The following RAB4B variants were observed in gnomAD, a reference collection of about 807,000 sequenced individuals.
RAB4B encodes RAB4B, member RAS oncogene family.
RAB4B carries 15 observed loss-of-function variants against 28.3 expected under a neutral mutation model. That is an observed-to-expected ratio of 0.53 (90% CI 0.35 to 0.82). RAB4B has a LOEUF of 0.82. Among genes scored for constraint, RAB4B ranks in the 40% least tolerant of loss-of-function variants. The pLI, the probability that RAB4B is intolerant of heterozygous loss-of-function variation, is 0.01. For synonymous variants in RAB4B, 108 were observed against 116.3 expected (o/e 0.93, Z 0.46); for missense variants, 244 against 288.5 (o/e 0.85, Z 1.12).
At chr19:40,783,589 A>AAG (rs1491136705) in intron 3 of RAB4B, among the ~76,000 whole-genome samples, 189 bp from the exon 4 acceptor site, 7 of 152,072 alleles carry the variant, frequency 4.6e-5, no homozygotes, top group Non-Finnish European at 1.0e-4. Flanking sequence ...GAGAGAGGCG[A>AAG]AGAGAGAGGG....
chr19:40,789,501 C>CTTTTTTTT (rs60806942), intron 7 of RAB4B, among the ~76,000 whole-genome samples: 1 of 116,574 alleles, frequency 8.6e-6, no homozygotes, highest in African/African-American at 3.8e-5. Context: ...CACGCCCAGC[C>CTTTTTTTT]TTTTTTTTTT....
intron 7 of RAB4B, among the ~76,000 whole-genome samples, chr19:40,789,260 T>C (rs1310274389): frequency 6.6e-6 from 1 of 151,916 alleles, no homozygotes; most frequent in Non-Finnish European, 1.5e-5. Flanking sequence ...TGGAGTGCAA[T>C]GGCGCGATCT....
intron 1 of RAB4B, chr19:40,779,783 G>A: frequency 9.3e-7 from 1 of 1,074,142 alleles, no homozygotes. Flanking sequence ...CCCTGCACAT[G>A]TACTCCCTGA....
intron 3 of RAB4B, among the ~76,000 whole-genome samples, chr19:40,783,147 CAAA>C (rs1168587843): frequency 0.013 from 447 of 35,592 alleles, no homozygotes; most frequent in African/African-American, 0.033. Flanking sequence ...GATTCCTACT[CAAA>C]AAAAAAAAAA....
In RAB4B at chr19:40,786,512, C is replaced by T. The variant is rs563571677; in HGVS notation, c.431-153C>T. On this transcript the variant is annotated intron_variant, in intron 5 of 7. Transcript: ENST00000357052. ...CTGGGTGGGCATATCGGGAAGCGGA[C>T]ATTAGTGGCAGGGAAATGGCATGCG... 249 of 1,153,196 alleles carry T rather than the reference C, an allele frequency of 2.2e-4. 1 individual carries two copies. The South Asian group carries it at 2.4e-3, about 11-fold the overall frequency. 71.4% of individuals were successfully genotyped at this position (1,153,196 alleles called of 1,614,324 possible).
intron 5 of RAB4B, chr19:40,785,935 G>C (rs1161762405): frequency 6.3e-6 from 1 of 157,874 alleles, no homozygotes; most frequent in Non-Finnish European, 1.4e-5. Context: ...CAGAGGGTCA[G>C]GGCCAGTACT....
intron 7 of RAB4B, among the ~76,000 whole-genome samples, chr19:40,790,090 T>C (rs1246614381): frequency 6.6e-6 from 1 of 152,146 alleles, no homozygotes; most frequent in Non-Finnish European, 1.5e-5. Context: ...GCCTCTGGCT[T>C]ATACCCTGTG....
At chr19:40,780,324 G>A in intron 2 of RAB4B, 61 bp from the exon 3 acceptor site, 1 of 1,490,342 alleles carries the variant, frequency 6.7e-7, no homozygotes, top group South Asian at 1.2e-5. Context: ...TGGAGGATGG[G>A]GGATCCTCTG....
intron 5 of RAB4B, chr19:40,786,179 C>A: frequency 5.2e-6 from 1 of 190,966 alleles, no homozygotes; most frequent in Non-Finnish European, 1.1e-5. Context: ...GATGGGGGAG[C>A]ATGGGCAGAG....
chr19:40,780,702 G>C (rs553855893), intron 3 of RAB4B, among the ~76,000 whole-genome samples: 5 of 151,958 alleles, frequency 3.3e-5, no homozygotes, highest in Non-Finnish European at 7.4e-5. Flanking sequence ...AAAAGAGGTA[G>C]GGGCCAGGCG....
intron 1 of RAB4B, 97 bp downstream of exon 1, chr19:40,778,488 CTG>C: frequency 7.9e-7 from 1 of 1,258,844 alleles, no homozygotes; most frequent in African/African-American, 1.6e-5. Flanking sequence ...GGGGCGGGGT[CTG>C]GTGTGATGGA....
At position 40,781,195 on chromosome 19, in the gene RAB4B, G is replaced by A. The variant is rs577023267; in HGVS notation, c.212+696G>A. Among the ~76,000 whole-genome samples the A allele has an allele frequency of 1.5e-3, 228 of 151,300 alleles. 1 individual carries two copies. The highest frequency in any genetic ancestry group is 5.4e-3 in the African/African-American group (221 of 41,248). ...CTAGCTACTTGGGAGGCTGAGGCAG[G>A]AGAATTGCTTGAACCTGGGAGGCAG... On this transcript the variant is annotated intron_variant, in intron 3 of 7. Coordinates refer to ENST00000357052, the MANE Select transcript of RAB4B (RefSeq NM_016154.5).
chr19:40,781,312 G>GAATAAATA lies in RAB4B; in HGVS notation c.212+839_212+846dup, dbSNP rs769534052. On this transcript the variant is annotated intron_variant, in intron 3 of 7. Coordinates refer to ENST00000357052, the MANE Select transcript of RAB4B (RefSeq NM_016154.5). ...TGAATAAATAAATAAATAAATAAAT[G>GAATAAATA]AATAAATAAATAAATAAATAAATAA... Among the ~76,000 whole-genome samples, 94 of 144,424 alleles carry GAATAAATA rather than the reference G, an allele frequency of 6.5e-4. 1 individual carries two copies. Among genetic ancestry groups the GAATAAATA allele is most frequent in the African/African-American group, 1.5e-3 (57 of 37,570 alleles). 94.7% of individuals were successfully genotyped at this position (144,424 alleles called of 152,430 possible). A position where few individuals can be genotyped will look rare whatever the true frequency, so the allele number is the denominator to read the frequency against.
At chr19:40,793,429 T>C (rs2083177159) in intron 7 of RAB4B, among the ~76,000 whole-genome samples, 1 of 151,370 alleles carries the variant, frequency 6.6e-6, no homozygotes, top group Non-Finnish European at 1.5e-5. Context: ...TTTGAAGAGA[T>C]GGGGTTTCAC....
At chr19:40,789,450 C>T (rs1479894500) in intron 7 of RAB4B, among the ~76,000 whole-genome samples, 1 of 151,812 alleles carries the variant, frequency 6.6e-6, no homozygotes, top group Non-Finnish European at 1.5e-5. Context: ...GATCTGCCCG[C>T]CTCAGCCTCC....
intron 7 of RAB4B, among the ~76,000 whole-genome samples, chr19:40,789,543 C>T (rs1180384235): frequency 2.5e-5 from 3 of 121,908 alleles, no homozygotes; most frequent in African/African-American, 3.3e-5. Flanking sequence ...CTCACTCTGT[C>T]GCCATGCTAG....
At chr19:40,791,646 G>A (rs987071747) in intron 7 of RAB4B, among the ~76,000 whole-genome samples, 1 of 150,210 alleles carries the variant, frequency 6.7e-6, no homozygotes, top group African/African-American at 2.5e-5. Context: ...CCAAACTTTT[G>A]TTTTTTTTTG....
intron 7 of RAB4B, among the ~76,000 whole-genome samples, chr19:40,787,205 G>A (rs1161724109): frequency 6.6e-6 from 1 of 151,520 alleles, no homozygotes; most frequent in Non-Finnish European, 1.5e-5. Context: ...TGGGGGTGGG[G>A]AGACAGACCC....
chr19:40,791,488 A>G (rs900908371), intron 7 of RAB4B, among the ~76,000 whole-genome samples: 1 of 151,376 alleles, frequency 6.6e-6, no homozygotes, highest in Non-Finnish European at 1.5e-5. Context: ...CGGTCTCCCT[A>G]CCTCTCAGGC....
Sources: allele counts gnomAD v4.1 joint callset (sites outside exome capture counted in the v4.1 genomes callset), GRCh38; gene constraint gnomAD v4.1.1; transcripts MANE v1.5; gene names NCBI Gene and HGNC (gene_info 2026-07-23, HGNC 2026-07-21).